The following RPS6KA2 variants were observed in gnomAD, a reference collection of about 807,000 sequenced individuals.
RPS6KA2 encodes ribosomal protein S6 kinase alpha-2.
RPS6KA2 carries 42 observed loss-of-function variants against 91.8 expected under a neutral mutation model. That is an observed-to-expected ratio of 0.46 (90% CI 0.36 to 0.59). The LOEUF (loss-of-function observed/expected upper bound fraction) is 0.59. RPS6KA2 is among the 20% of genes least tolerant of loss of function. The pLI, the probability that RPS6KA2 is intolerant of heterozygous loss-of-function variation, is 0.00. For missense variants in RPS6KA2, 798 were observed against 978.5 expected (o/e 0.82, Z 2.46); for synonymous variants, 414 against 393.6 (o/e 1.05, Z -0.61).
In RPS6KA2 at chr6:166,410,026, T is replaced by C. The variant is rs1055204432; in HGVS notation, c.*2736A>G. The C allele has an allele frequency of 2.0e-5, 3 of 152,210 alleles. No individual in the cohort carries two copies. The highest frequency in any genetic ancestry group is 7.2e-5 in the African/African-American group (3 of 41,452). The allele number at this position is 152,210 out of a possible 1,614,324, so 9.4% of individuals were successfully genotyped here. A position where few individuals can be genotyped will look rare whatever the true frequency, so the allele number is the denominator to read the frequency against. The stretch of plus-strand genomic sequence containing the variant: ...TCAGCAAAGCTCTCCCACTGCAGAT[T>C]GGGAGAATCAGGTATTTCTCCCACA... On this transcript the variant is annotated 3_prime_UTR_variant, in exon 21 of 21. Coordinates refer to ENST00000265678, the MANE Select transcript of RPS6KA2 (RefSeq NM_021135.6).
At chr6:166,681,697 C>CG (rs1562380156) in intron 2 of RPS6KA2, among the ~76,000 whole-genome samples, 1 of 74,238 alleles carries the variant, frequency 1.3e-5, no homozygotes, top group African/African-American at 6.7e-5. Context: ...CCCGCCCCCC[C>CG]CCCCGCCCCC....
At position 166,459,320 on chromosome 6, in the gene RPS6KA2, C is replaced by G. The variant is rs371875314; in HGVS notation, c.1075+129G>C. ...GCAGAGAAAACAACAACAAAAAACC[C>G]AAACAGAATGGACAGTTATTTTCCA... On this transcript the variant is annotated intron_variant, in intron 12 of 20. Transcript: ENST00000265678. This position sits in a 1 kb window ranked among gnomAD's most constrained non-coding sequence, Gnocchi z 4.9. 13 of 626,514 alleles carry G rather than the reference C, an allele frequency of 2.1e-5. No homozygotes were observed. The highest frequency in any genetic ancestry group is 1.7e-4 in the East Asian group (6 of 35,606). The allele number at this position is 626,514 out of a possible 1,614,324, so 38.8% of individuals were successfully genotyped here.
At chr6:166,634,694 A>G (rs111948961) in intron 2 of RPS6KA2, among the ~76,000 whole-genome samples, 4,924 of 152,260 alleles carry the variant, frequency 0.032, 181 homozygotes, top group African/African-American at 0.088. Flanking sequence ...GTGTGAACTC[A>G]GCTCACTGCA....
At chr6:166,688,222 CT>C (rs1347489621) in intron 2 of RPS6KA2, among the ~76,000 whole-genome samples, 4 of 152,142 alleles carry the variant, frequency 2.6e-5, no homozygotes, top group Non-Finnish European at 5.9e-5. Context: ...CTCTGCCTGC[CT>C]CCGAGGTCTC....
intron 1 of RPS6KA2, among the ~76,000 whole-genome samples, chr6:166,551,974 C>A (rs1028865861): frequency 6.6e-6 from 1 of 152,228 alleles, no homozygotes; most frequent in African/African-American, 2.4e-5. Context: ...AATGCCCTTG[C>A]AGACCGCCTT....
At chr6:166,862,322 G>C in exon 1 of RPS6KA2, 1 of 1,497,518 alleles carries the variant, frequency 6.7e-7, no homozygotes, top group Non-Finnish European at 8.9e-7. Context: ...GGACAGATCC[G>C]GCTCCCAGAG....
At chr6:166,609,015 C>T (rs1454937436) in intron 1 of RPS6KA2, among the ~76,000 whole-genome samples, 1 of 152,320 alleles carries the variant, frequency 6.6e-6, no homozygotes, top group African/African-American at 2.4e-5. Flanking sequence ...CCCATCTCCA[C>T]TGCGGTTTGG....
chr6:166,496,787 C>A (rs545170104), intron 8 of RPS6KA2, among the ~76,000 whole-genome samples: 1 of 152,334 alleles, frequency 6.6e-6, no homozygotes, highest in South Asian at 2.1e-4. Context: ...GTGGCCAGCC[C>A]TGCTCTCTGG....
intron 2 of RPS6KA2, among the ~76,000 whole-genome samples, chr6:166,672,099 T>C (rs1482877204): frequency 6.6e-6 from 1 of 152,182 alleles, no homozygotes; most frequent in African/African-American, 2.4e-5. Context: ...TGTGTGTATA[T>C]TCTAAAGTCT....
chr6:166,810,360 G>A (rs1246369657), intron 2 of RPS6KA2, among the ~76,000 whole-genome samples: 2 of 152,116 alleles, frequency 1.3e-5, no homozygotes, highest in African/African-American at 4.8e-5. Context: ...CAACAGACTC[G>A]GGAGTGCAAA....
chr6:166,781,508 CA>C (rs1225223181), intron 2 of RPS6KA2, among the ~76,000 whole-genome samples: 3 of 152,330 alleles, frequency 2.0e-5, no homozygotes, highest in Non-Finnish European at 2.9e-5. Context: ...GAACTACATG[CA>C]CCCACCCAAG....
rs1787339801 is a variant in RPS6KA2 at position 166,639,060 on chromosome 6, A to G, written c.124-100276T>C. On this transcript the variant is annotated intron_variant, in intron 2 of 21. Transcript: ENST00000503859. This position sits in a 1 kb window ranked among gnomAD's most constrained non-coding sequence, Gnocchi z 4.2. ...AGCAATTTCATGCAGTTAAACCAAT[A>G]TGTGGAAGGGCTTTATAAATCATAA... Among the ~76,000 whole-genome samples, 1 of 152,228 alleles carries G rather than the reference A, an allele frequency of 6.6e-6. No homozygotes were observed. The highest frequency in any genetic ancestry group is 2.4e-5 in the African/African-American group (1 of 41,456).
At chr6:166,461,394 A>C (rs1436735805) in intron 11 of RPS6KA2, among the ~76,000 whole-genome samples, 2 of 152,070 alleles carry the variant, frequency 1.3e-5, no homozygotes, top group African/African-American at 4.8e-5. Flanking sequence ...AGGCCAGTGC[A>C]GCCCATTCCC....
chr6:166,636,457 C>T (rs1787244595), intron 2 of RPS6KA2, among the ~76,000 whole-genome samples: 1 of 152,206 alleles, frequency 6.6e-6, no homozygotes, highest in Non-Finnish European at 1.5e-5. Flanking sequence ...CTCTCTAGAA[C>T]ACCTCATGCT....
intron 2 of RPS6KA2, among the ~76,000 whole-genome samples, chr6:166,745,280 T>A (rs1230756928): frequency 6.6e-6 from 1 of 151,786 alleles, no homozygotes; most frequent in Non-Finnish European, 1.5e-5. Context: ...GCCTCCTGAG[T>A]AGCTGGGATT....
chr6:166,466,396 G>T (rs1015495153), intron 11 of RPS6KA2, among the ~76,000 whole-genome samples: 1 of 152,232 alleles, frequency 6.6e-6, no homozygotes, highest in African/African-American at 2.4e-5. Context: ...GGTTGTCTTA[G>T]CAAGTGCGTA....
At chr6:166,596,707 C>G (rs907455092) in intron 1 of RPS6KA2, among the ~76,000 whole-genome samples, 1 of 152,176 alleles carries the variant, frequency 6.6e-6, no homozygotes, top group African/African-American at 2.4e-5. Flanking sequence ...TGGGACTTTA[C>G]CTTGTGATGG....
Position 166,508,366 on chromosome 6 carries a change from T to G in RPS6KA2, c.380-84A>C, listed in dbSNP as rs1782337187. 5.6e-6 allele frequency: 5 copies of G among 892,516 alleles called. No individual in the cohort carries two copies. The highest frequency in any genetic ancestry group is 9.2e-6 in the Non-Finnish European group (5 of 544,904). 55.3% of individuals were successfully genotyped at this position (892,516 alleles called of 1,614,324 possible). ...CTCTCTGGCTTCTCCCTGCTCACGGTGCTGCTTACTCCGGGAGGCTGAGTC... is the reference window on the plus strand; with the variant it reads ...CTCTCTGGCTTCTCCCTGCTCACGGGGCTGCTTACTCCGGGAGGCTGAGTC... On this transcript the variant is annotated intron_variant, in intron 4 of 20. Transcript: ENST00000265678. This position sits in a 1 kb window ranked among gnomAD's most constrained non-coding sequence, Gnocchi z 4.3.
chr6:166,609,548 C>T (rs371073852), intron 1 of RPS6KA2, among the ~76,000 whole-genome samples: 6 of 149,308 alleles, frequency 4.0e-5, no homozygotes, highest in African/African-American at 1.5e-4. Flanking sequence ...GCTCTTGTTG[C>T]CCAGGCTGGA....
Sources: allele counts gnomAD v4.1 joint callset (sites outside exome capture counted in the v4.1 genomes callset), GRCh38; gene constraint gnomAD v4.1.1; non-coding constraint Gnocchi (gnomAD v3.1); transcripts MANE v1.5; gene names NCBI Gene and HGNC (gene_info 2026-07-23, HGNC 2026-07-21).